Variants in GSE1 observed in about 807,000 individuals in gnomAD.
GSE1 encodes the protein Gse1 coiled-coil protein.
In GSE1, 32 loss-of-function variants were observed where a neutral mutation model predicts 112.6. That is an observed-to-expected ratio of 0.28 (90% confidence interval 0.21 to 0.38). GSE1 has a LOEUF of 0.38. Ranked by LOEUF, GSE1 falls within the 10% of genes least tolerant of loss-of-function variation. GSE1 has a pLI of 1.00. For missense variants in GSE1, 2,348 were observed against 1,699.2 expected (o/e 1.38, Z -6.71); for synonymous variants, 1,115 against 735.6 (o/e 1.52, Z -8.35).
intron 2 of GSE1, among the ~76,000 whole-genome samples, chr16:85,635,287 C>G (rs991264350): frequency 6.6e-6 from 1 of 152,268 alleles, no homozygotes; most frequent in Non-Finnish European, 1.5e-5. Flanking sequence ...GTCTGGTTTC[C>G]GTACCACCAG....
intron 1 of GSE1, among the ~76,000 whole-genome samples, chr16:85,204,450 A>G (rs4073462): frequency 0.054 from 8,181 of 152,280 alleles, 278 homozygotes; most frequent in South Asian, 0.2. Context: ...GATGTTTTCA[A>G]TTCTCTGAGG....
At chr16:85,186,764 C>G (rs761383556) in intron 1 of GSE1, among the ~76,000 whole-genome samples, 1 of 152,080 alleles carries the variant, frequency 6.6e-6, no homozygotes, top group Non-Finnish European at 1.5e-5. Flanking sequence ...GACCCTATAT[C>G]AAAACAACAA....
chr16:85,347,311 TG>T (rs2046763358), intron 1 of GSE1, among the ~76,000 whole-genome samples: 1 of 152,136 alleles, frequency 6.6e-6, no homozygotes, highest in African/African-American at 2.4e-5. Context: ...AGGAGGTTCT[TG>T]GGCTGATGCC....
At chr16:85,172,935 CT>C (rs2143149609) in intron 1 of GSE1, among the ~76,000 whole-genome samples, 1 of 152,370 alleles carries the variant, frequency 6.6e-6, no homozygotes, top group South Asian at 2.1e-4. Context: ...TACGCGGCCC[CT>C]GTCTTCATGC....
Position 85,409,214 on chromosome 16 carries a change from C to T in GSE1, c.2464+51571C>T, listed in dbSNP as rs1157210942. ...TCCTCACCGTTACACTCAGGGCCCC[C>T]CGGATAATCCTCACTGTTACTCTCA... On this transcript the variant is annotated intron_variant, in intron 2 of 2. Coordinates refer to the GSE1 transcript ENST00000637419. Among the ~76,000 whole-genome samples, 3 of 44,004 alleles carry T rather than the reference C, an allele frequency of 6.8e-5. 1 individual carries two copies. Among genetic ancestry groups the T allele is most frequent in the African/African-American group, 1.3e-4 (1 of 7,658 alleles). The allele number at this position is 44,004 out of a possible 152,430, so 28.9% of individuals were successfully genotyped here.
At chr16:85,363,876 C>A (rs1416998851) in intron 2 of GSE1, among the ~76,000 whole-genome samples, 2 of 152,190 alleles carry the variant, frequency 1.3e-5, no homozygotes, top group Admixed American at 6.5e-5. Context: ...TGGGCTGATC[C>A]AGAAGGTCCC....
chr16:85,418,372 G>T (rs1210929837), intron 2 of GSE1, among the ~76,000 whole-genome samples: 1 of 152,236 alleles, frequency 6.6e-6, no homozygotes, highest in Non-Finnish European at 1.5e-5. Flanking sequence ...AGAGGATGAT[G>T]CAGCCCACTC....
chr16:85,665,408 G>T (rs1031678846), intron 12 of GSE1, among the ~76,000 whole-genome samples: 1 of 152,168 alleles, frequency 6.6e-6, no homozygotes, highest in African/African-American at 2.4e-5. Context: ...CTTCAGTTAC[G>T]GCACAGAGGC....
chr16:85,448,969 C>A (rs2049590659), intron 2 of GSE1, among the ~76,000 whole-genome samples: 1 of 152,204 alleles, frequency 6.6e-6, no homozygotes, highest in Non-Finnish European at 1.5e-5. Context: ...CCTCTCCCCG[C>A]CCCTCCACCC....
At chr16:85,400,026 G>A (rs563078507) in intron 2 of GSE1, among the ~76,000 whole-genome samples, 8 of 152,344 alleles carry the variant, frequency 5.3e-5, no homozygotes, top group Admixed American at 3.3e-4. Context: ...CAGGCCCAGC[G>A]CAAACACAGG....
intron 2 of GSE1, among the ~76,000 whole-genome samples, chr16:85,442,233 G>C (rs2049392692): frequency 6.6e-6 from 1 of 152,134 alleles, no homozygotes; most frequent in South Asian, 2.1e-4. Flanking sequence ...TTAAATAGCT[G>C]TTCTGCTGCC....
At chr16:85,390,590 T>G (rs1248254000) in intron 2 of GSE1, among the ~76,000 whole-genome samples, 1 of 152,192 alleles carries the variant, frequency 6.6e-6, no homozygotes, top group African/African-American at 2.4e-5. Flanking sequence ...ATCCTGGCTC[T>G]GGCCTCTCCT....
rs756721863 is a variant in GSE1, at chr16:85,654,976, C to G, written c.782C>G (p.Pro261Arg). 8.8e-6 allele frequency: 14 copies of G among 1,594,522 alleles called. No individual in the cohort carries two copies. The highest frequency in any genetic ancestry group is 2.2e-5 in the East Asian group (1 of 44,624). The part of the protein sequence containing the change: ...HPSYLAPHPF[P>R]HPAFRMDDSY... ...AGCTACCTGGCCCCACACCCCTTCCCCCACCCGGCCTTCAGGTGAGGCATC... is the reference window on the plus strand; with the variant it reads ...AGCTACCTGGCCCCACACCCCTTCCGCCACCCGGCCTTCAGGTGAGGCATC... Residue 261 changes from proline to arginine, a missense_variant, in exon 5 of 16, where the codon CCC becomes CGC. By Grantham distance (103) the Pro-to-Arg change is moderately radical. Transcript: ENST00000253458.
At chr16:85,624,474 C>T (rs527451143) in intron 1 of GSE1, among the ~76,000 whole-genome samples, 102 of 152,238 alleles carry the variant, frequency 6.7e-4, no homozygotes, top group South Asian at 1.0e-3. Flanking sequence ...AGGTCCCGTC[C>T]GTAAAACGGG....
At chr16:85,641,508 C>T (rs1475973774) in intron 2 of GSE1, among the ~76,000 whole-genome samples, 1 of 150,974 alleles carries the variant, frequency 6.6e-6, no homozygotes, top group Non-Finnish European at 1.5e-5. Flanking sequence ...CCCTGGGAGC[C>T]TTGTAGGGCG....
chr16:85,305,812 G>A lies in GSE1; in HGVS notation c.2284-51651G>A, dbSNP rs148521830. 2.9e-3 allele frequency among the ~76,000 whole-genome samples: 436 copies of A among 152,218 alleles called. 2 individuals carry two copies. Among genetic ancestry groups the A allele is most frequent in the Non-Finnish European group, 4.3e-3 (293 of 68,016 alleles). On this transcript the variant is annotated intron_variant, in intron 1 of 2. Transcript: ENST00000637419. Reference sequence around the variant, plus strand: ...TTTTTTAAAGTTCCCCTGGTGGACCGCACATGGTGTCTCACACTTGTAGTC... The same window carrying A: ...TTTTTTAAAGTTCCCCTGGTGGACCACACATGGTGTCTCACACTTGTAGTC...
chr16:85,670,018 C>T lies in GSE1; in HGVS notation c.3416-977C>T, dbSNP rs143486611. Among the ~76,000 whole-genome samples, 33 of 152,342 alleles carry T rather than the reference C, an allele frequency of 2.2e-4. No homozygotes were observed. The East Asian group carries it at 6.2e-3, about 28-fold the overall frequency. On this transcript the variant is annotated intron_variant, in intron 14 of 15. Transcript: ENST00000253458. The stretch of plus-strand genomic sequence containing the variant: ...CGCCTTATATTCACCCCAAAGAGTC[C>T]TGTTAGATTTTCAGTTGCATTGAAT...
chr16:85,639,914 T>G (rs1158647587), intron 2 of GSE1, among the ~76,000 whole-genome samples: 1 of 151,486 alleles, frequency 6.6e-6, no homozygotes, highest in Non-Finnish European at 1.5e-5. Context: ...TTGCGTGTCC[T>G]CAGCTGCTCC....
intron 2 of GSE1, 55 bp downstream of exon 2, chr16:85,634,187 A>G (rs2049791787): frequency 8.1e-7 from 1 of 1,237,718 alleles, no homozygotes; most frequent in African/African-American, 1.6e-5. Flanking sequence ...CGAGGCCGGG[A>G]CTCAGCCTCC....
Sources: allele counts gnomAD v4.1 joint callset (sites outside exome capture counted in the v4.1 genomes callset), GRCh38; gene constraint gnomAD v4.1.1; transcripts MANE v1.5; gene names NCBI Gene and HGNC (gene_info 2026-07-23, HGNC 2026-07-21).